GRID1: variants seen among roughly 807,000 people sequenced by gnomAD.
The protein encoded by GRID1 is glutamate ionotropic receptor delta type subunit 1, also known as glutamate receptor ionotropic, delta-1.
In GRID1, 28 loss-of-function variants were observed where a neutral mutation model predicts 98.0. That is an observed-to-expected ratio of 0.29 (90% CI 0.21 to 0.39). GRID1 has a LOEUF of 0.39. Ranked by LOEUF, GRID1 falls within the 10% of genes least tolerant of loss-of-function variation. GRID1 has a pLI of 1.00. For synonymous variants in GRID1, 553 were observed against 538.5 expected (o/e 1.03, Z -0.37); for missense variants, 1,111 against 1,340.5 (o/e 0.83, Z 2.67).
chr10:86,066,753 G>A (rs570018825), intron 4 of GRID1, among the ~76,000 whole-genome samples: 42 of 152,350 alleles, frequency 2.8e-4, no homozygotes, highest in South Asian at 1.9e-3. Context: ...AAGTTAGGAG[G>A]CTCTGTGTGC....
intron 4 of GRID1, among the ~76,000 whole-genome samples, chr10:86,080,079 A>T (rs1405638159): frequency 6.6e-6 from 1 of 152,080 alleles, no homozygotes; most frequent in Non-Finnish European, 1.5e-5. Flanking sequence ...CACGCCTGTA[A>T]TCCCAGCACT....
rs529541175 is a variant in GRID1 at position 85,832,115 on chromosome 10, C to A, written c.1233+22381G>T. On this transcript the variant is annotated intron_variant, in intron 8 of 15. Transcript: ENST00000327946. The stretch of plus-strand genomic sequence containing the variant: ...AAGTGGAAATACTTATTGAAAATCA[C>A]ATCTTAACAAACTGACTCAAGAAAT... 2.6e-5 allele frequency among the ~76,000 whole-genome samples: 4 copies of A among 152,102 alleles called. No homozygotes were observed. The East Asian group carries it at 7.7e-4, about 29-fold the overall frequency.
intron 2 of GRID1, among the ~76,000 whole-genome samples, chr10:86,224,865 C>T (rs972823799): frequency 1.3e-5 from 2 of 152,232 alleles, no homozygotes; most frequent in Non-Finnish European, 2.9e-5. Context: ...ACCCTCGCAA[C>T]ATCCAGAGCT....
intron 4 of GRID1, among the ~76,000 whole-genome samples, chr10:86,012,053 G>C (rs1425399116): frequency 6.6e-6 from 1 of 152,110 alleles, no homozygotes; most frequent in Non-Finnish European, 1.5e-5. Context: ...AGCTACTTAA[G>C]AGGCTGAGGC....
chr10:86,156,599 C>T (rs1845249447), intron 3 of GRID1, among the ~76,000 whole-genome samples: 1 of 152,214 alleles, frequency 6.6e-6, no homozygotes, highest in Non-Finnish European at 1.5e-5. Flanking sequence ...GGCCCTGGCA[C>T]TTTAACTAAG....
chr10:85,723,093 C>G lies in GRID1; in HGVS notation c.1907G>C (p.Ser636Thr). 1.2e-6 allele frequency: 2 copies of G among 1,611,740 alleles called. No individual in the cohort carries two copies. The highest frequency in any genetic ancestry group is 1.7e-6 in the Non-Finnish European group (2 of 1,178,928). The change falls in exon 12 of 16, where the codon AGC becomes ACC. Residue 636 changes from serine (S) to threonine (T), a missense_variant. Around this residue, in one of 3 missense-constraint regions of GRID1, gnomAD observed 762 missense variants for 869.1 expected, o/e 0.88. Coordinates refer to ENST00000327946, the MANE Select transcript of GRID1 (RefSeq NM_017551.3). The part of the protein sequence containing the change: ...NSMAMRIVMG[S>T]WWLFTLIVCS... Reference sequence around the variant, plus strand: ...CACAATGAGCGTGAAGAGCCACCAGCTGCCCATCACGATGCGCATGGCCAT... The same window carrying G: ...CACAATGAGCGTGAAGAGCCACCAGGTGCCCATCACGATGCGCATGGCCAT...
chr10:85,983,420 C>T (rs907027327), intron 4 of GRID1, among the ~76,000 whole-genome samples: 4 of 152,344 alleles, frequency 2.6e-5, no homozygotes, highest in African/African-American at 9.6e-5. Context: ...GCAGGCTCCA[C>T]CCGGCCCTGT....
rs530422499 is a variant in GRID1 at position 85,880,971 on chromosome 10, C to T, written c.781-11791G>A. ...TACAAAAATCACAAGCATTCTTATACACCAATAACAGACAAACAGAGAGCC... is the reference window on the plus strand; with the variant it reads ...TACAAAAATCACAAGCATTCTTATATACCAATAACAGACAAACAGAGAGCC... On this transcript the variant is annotated intron_variant, in intron 5 of 15. Transcript: ENST00000327946. Among the ~76,000 whole-genome samples the T allele has an allele frequency of 3.3e-5, 5 of 152,250 alleles. No individual in the cohort carries two copies. In the East Asian group the frequency reaches 9.6e-4, roughly 29 times the overall value.
chr10:86,062,975 C>T lies in GRID1; in HGVS notation c.726+75844G>A, dbSNP rs539543524. On this transcript the variant is annotated intron_variant, in intron 4 of 15. Coordinates refer to ENST00000327946, the MANE Select transcript of GRID1 (RefSeq NM_017551.3). ...TCCAAGGTCTTCAGGGTGGTGGGTC[C>T]TACCCAGAACTTGGGAGGGACCCAC... 1.5e-3 allele frequency among the ~76,000 whole-genome samples: 225 copies of T among 152,384 alleles called. 2 individuals carry two copies. Among genetic ancestry groups the T allele is most frequent in the African/African-American group, 5.2e-3 (218 of 41,594 alleles).
At chr10:86,114,476 G>C (rs1844542116) in intron 4 of GRID1, among the ~76,000 whole-genome samples, 1 of 152,148 alleles carries the variant, frequency 6.6e-6, no homozygotes, top group East Asian at 1.9e-4. Flanking sequence ...TCAGGGCTCA[G>C]GAAGGTCACA....
intron 8 of GRID1, among the ~76,000 whole-genome samples, chr10:85,733,278 G>T (rs577298442): frequency 2.6e-5 from 4 of 152,290 alleles, no homozygotes; most frequent in African/African-American, 9.6e-5. Flanking sequence ...GTTCTCTGGG[G>T]TCAAAACTCT....
intron 5 of GRID1, among the ~76,000 whole-genome samples, chr10:85,900,455 C>T (rs1214817818): frequency 6.6e-6 from 1 of 152,224 alleles, no homozygotes; most frequent in East Asian, 1.9e-4. Context: ...TTTTCAAATA[C>T]ATTTGCTGCA....
intron 4 of GRID1, among the ~76,000 whole-genome samples, chr10:86,121,572 A>ATC (rs1466476677): frequency 8.1e-6 from 1 of 123,376 alleles, no homozygotes; most frequent in Non-Finnish European, 1.8e-5. Context: ...TATCACCATC[A>ATC]ACATCACCAC....
At chr10:85,835,213 A>C (rs1218225099) in intron 8 of GRID1, among the ~76,000 whole-genome samples, 1 of 152,204 alleles carries the variant, frequency 6.6e-6, no homozygotes, top group African/African-American at 2.4e-5. Flanking sequence ...AAAAATAGAC[A>C]AGTCCATAAT....
intron 3 of GRID1, among the ~76,000 whole-genome samples, chr10:86,178,047 G>A (rs1447414736): frequency 6.6e-6 from 1 of 152,070 alleles, no homozygotes; most frequent in African/African-American, 2.4e-5. Flanking sequence ...TTCAAGTGAG[G>A]AGGACTCTGG....
At chr10:85,692,773 G>GA (rs755132941) in intron 12 of GRID1, among the ~76,000 whole-genome samples, 51 of 151,264 alleles carry the variant, frequency 3.4e-4, no homozygotes, top group Non-Finnish European at 1.5e-4. Flanking sequence ...AAAATCATAA[G>GA]AAAAAACCTA....
rs1209521285 is a variant in GRID1 at position 86,007,051 on chromosome 10, A to AGG, written c.727-90814_727-90813dup. ...TCACACTCCGCAGTTTAATATTGAG[A>AGG]GGCTTGATTCTCATGTTCTAGGAGC... On this transcript the variant is annotated intron_variant, in intron 4 of 15. Transcript: ENST00000327946. Among the ~76,000 whole-genome samples the AGG allele has an allele frequency of 7.2e-5, 11 of 152,120 alleles. No homozygotes were observed. In the East Asian group the frequency reaches 1.9e-3, roughly 27 times the overall value.
intron 13 of GRID1, among the ~76,000 whole-genome samples, chr10:85,642,661 C>T (rs1031984778): frequency 6.6e-6 from 1 of 152,164 alleles, no homozygotes; most frequent in Non-Finnish European, 1.5e-5. Flanking sequence ...AATAAAAATT[C>T]CCTCCTGTTC....
chr10:85,888,732 T>C (rs1258783783), intron 5 of GRID1, among the ~76,000 whole-genome samples: 1 of 152,156 alleles, frequency 6.6e-6, no homozygotes, highest in Non-Finnish European at 1.5e-5. Flanking sequence ...CTACTTTTAC[T>C]TTCTGCTTTC....
Sources: allele counts gnomAD v4.1 joint callset (sites outside exome capture counted in the v4.1 genomes callset), GRCh38; gene constraint gnomAD v4.1.1; regional missense constraint gnomAD v4.1.1; transcripts MANE v1.5; gene names NCBI Gene and HGNC (gene_info 2026-07-23, HGNC 2026-07-21).